Variants in RALGAPA2 observed in about 807,000 individuals in gnomAD.
The protein encoded by RALGAPA2 is ral GTPase-activating protein subunit alpha-2.
A neutral mutation model predicts 230.4 loss-of-function variants in RALGAPA2; 139 were observed. The ratio of observed to expected loss-of-function variants is 0.60; its 90% CI spans 0.53 to 0.69. The LOEUF is 0.69. Ranked by LOEUF, RALGAPA2 falls within the 30% of genes least tolerant of loss-of-function variation. The pLI is 0.00. For missense variants in RALGAPA2, 2,163 were observed against 2,276.0 expected, an observed-to-expected ratio of 0.95 and a Z score of 1.01; for synonymous variants, 847 against 837.8, an observed-to-expected ratio of 1.01 and a Z score of -0.19.
intron 37 of RALGAPA2, among the ~76,000 whole-genome samples, chr20:20,468,511 T>TTATA: frequency 6.6e-6 from 1 of 152,326 alleles, no homozygotes; most frequent in South Asian, 2.1e-4. Context: ...CTAGGTCCTC[T>TTATA]TATACCCAAT....
intron 37 of RALGAPA2, among the ~76,000 whole-genome samples, chr20:20,456,625 C>T (rs1234834850): frequency 3.9e-5 from 6 of 152,296 alleles, no homozygotes; most frequent in South Asian, 4.1e-4. Context: ...CTGACTGCTG[C>T]GAGAAGACCC....
intron 3 of RALGAPA2, among the ~76,000 whole-genome samples, chr20:20,673,545 G>A: frequency 6.6e-6 from 1 of 151,432 alleles, no homozygotes; most frequent in Non-Finnish European, 1.5e-5. Flanking sequence ...CAAATTCTTA[G>A]AAAAATATAT....
chr20:20,402,198 G>C (rs1326264248), intron 38 of RALGAPA2, among the ~76,000 whole-genome samples: 1 of 152,232 alleles, frequency 6.6e-6, no homozygotes, highest in African/African-American at 2.4e-5. Context: ...TTCCTCAACT[G>C]TCAGAGAAAT....
intron 1 of RALGAPA2, among the ~76,000 whole-genome samples, chr20:20,697,002 C>T (rs1225733381): frequency 6.6e-6 from 1 of 152,114 alleles, no homozygotes; most frequent in Admixed American, 6.5e-5. Context: ...TCACAAAGTA[C>T]TAGGATTACA....
chr20:20,651,515 G>C (rs2067396619), intron 4 of RALGAPA2, among the ~76,000 whole-genome samples: 2 of 152,024 alleles, frequency 1.3e-5, no homozygotes, highest in South Asian at 4.1e-4. Flanking sequence ...CTCAATTGAG[G>C]AGTCTGAGGC....
chr20:20,675,458 T>C (rs1475403083), intron 3 of RALGAPA2, among the ~76,000 whole-genome samples: 1 of 152,152 alleles, frequency 6.6e-6, no homozygotes, highest in Non-Finnish European at 1.5e-5. Context: ...GGCCTTTCCT[T>C]TACAGCTATA....
chr20:20,546,801 G>A lies in RALGAPA2; in HGVS notation c.3188C>T (p.Pro1063Leu), dbSNP rs1354734160. The change falls in exon 24 of 40, where the codon CCA (proline) becomes CTA (leucine). Residue 1063 changes from proline (P) to leucine (L), a missense_variant. Coordinates refer to ENST00000202677, the MANE Select transcript of RALGAPA2 (RefSeq NM_020343.4). ...DILNTIIRHCPPRFFSLGFPG... is the reference protein window; with the variant it reads ...DILNTIIRHCLPRFFSLGFPG... The stretch of plus-strand genomic sequence containing the variant: ...AAAACCCAGGGAGAAAAAGCGGGGT[G>A]GACAGTGCCTTATGATCGTATTTAA... 1 of 1,607,884 alleles carries A rather than the reference G, an allele frequency of 6.2e-7. No individual in the cohort carries two copies. The highest frequency in any genetic ancestry group is 8.5e-7 in the Non-Finnish European group (1 of 1,178,176).
chr20:20,436,691 G>T (rs1334480235), intron 37 of RALGAPA2, among the ~76,000 whole-genome samples: 1 of 152,252 alleles, frequency 6.6e-6, no homozygotes, highest in African/African-American at 2.4e-5. Flanking sequence ...GCTGCCATAA[G>T]GTTGGAGGCC....
chr20:20,545,422 T>C (rs2063754250), intron 24 of RALGAPA2, among the ~76,000 whole-genome samples: 2 of 152,164 alleles, frequency 1.3e-5, no homozygotes, highest in South Asian at 4.1e-4. Context: ...CACTTCTCTT[T>C]GTTTTCTAAT....
chr20:20,639,848 C>A lies in RALGAPA2; in HGVS notation c.603G>T (p.Glu201Asp), dbSNP rs201650335. The change falls in exon 7 of 40, where the codon GAG becomes GAT. Residue 201 changes from glutamate to aspartate, a missense_variant. Glu to Asp is a conservative substitution (Grantham distance 45, BLOSUM62 2). Transcript: ENST00000202677. ...ITPLLPAISG[E>D]KIAEDQTCFF... ...AGCAGGTTTGGTCCTCAGCAATCTTCTCCCCTGATATGGCTGGTAGGAGTG... is the reference window on the plus strand; with the variant it reads ...AGCAGGTTTGGTCCTCAGCAATCTTATCCCCTGATATGGCTGGTAGGAGTG... 2.5e-6 allele frequency: 4 copies of A among 1,613,698 alleles called. No homozygotes were observed. Among genetic ancestry groups the A allele is most frequent in the Non-Finnish European group, 3.4e-6 (4 of 1,179,710 alleles).
At chr20:20,449,696 T>C (rs940101844) in intron 37 of RALGAPA2, among the ~76,000 whole-genome samples, 2 of 152,212 alleles carry the variant, frequency 1.3e-5, no homozygotes, top group Non-Finnish European at 2.9e-5. Context: ...TGAACTTGCA[T>C]GTCTGCTCCA....
intron 2 of RALGAPA2, among the ~76,000 whole-genome samples, chr20:20,676,905 T>C (rs1304517194): frequency 2.0e-5 from 3 of 152,178 alleles, no homozygotes; most frequent in Non-Finnish European, 4.4e-5. Context: ...CACTCAAATC[T>C]GCTGTTACAG....
At chr20:20,568,525 T>A (rs1001449725) in intron 23 of RALGAPA2, among the ~76,000 whole-genome samples, 7 of 152,238 alleles carry the variant, frequency 4.6e-5, no homozygotes, top group Non-Finnish European at 1.0e-4. Flanking sequence ...TTTCCAGGAT[T>A]GCCAGAGAAC....
intron 20 of RALGAPA2, among the ~76,000 whole-genome samples, chr20:20,580,486 C>T (rs910713846): frequency 6.6e-6 from 1 of 152,150 alleles, no homozygotes; most frequent in Non-Finnish European, 1.5e-5. Flanking sequence ...CCGTATGCTC[C>T]AGAGCCCACT....
At chr20:20,507,637 T>G (rs1333920663) in intron 33 of RALGAPA2, among the ~76,000 whole-genome samples, 2 of 152,176 alleles carry the variant, frequency 1.3e-5, no homozygotes, top group Non-Finnish European at 2.9e-5. Flanking sequence ...CTTTATAGGG[T>G]TGAGCACCAT....
intron 3 of RALGAPA2, among the ~76,000 whole-genome samples, chr20:20,675,606 T>C (rs952645301): frequency 2.6e-5 from 4 of 152,170 alleles, no homozygotes; most frequent in Admixed American, 6.5e-5. Context: ...TGGCCACTTA[T>C]CTAATACATT....
chr20:20,529,853 C>T (rs762685691), intron 27 of RALGAPA2, among the ~76,000 whole-genome samples: 22 of 152,292 alleles, frequency 1.4e-4, no homozygotes, highest in Middle Eastern at 3.4e-3. Flanking sequence ...TGTCTATCTC[C>T]TTCAATCTAA....
At chr20:20,566,540 TAA>T (rs1459478732) in intron 23 of RALGAPA2, among the ~76,000 whole-genome samples, 2 of 152,110 alleles carry the variant, frequency 1.3e-5, no homozygotes, top group Non-Finnish European at 2.9e-5. Context: ...ATATCAGAAA[TAA>T]ATGATGGTGT....
rs2062696436 is a variant in RALGAPA2 at position 20,511,259 on chromosome 20, G to A, written c.4923C>T (p.Arg1641=). Residue 1641 remains arginine (R), a synonymous_variant, in exon 33 of 40, where the codon CGC becomes CGT. Transcript: ENST00000202677. The part of the protein sequence containing the change: ...LLRELKNLDS[R]QCRETHKIAV... ...TTTGATATACTTTCACATACCACTG[G>A]CGGGAGTCCAAATTTTTCAGCTCTC... 1 of 1,576,056 alleles carries A rather than the reference G, an allele frequency of 6.3e-7. No individual in the cohort carries two copies. Among genetic ancestry groups the A allele is most frequent in the East Asian group, 2.3e-5 (1 of 43,900 alleles).
Sources: allele counts gnomAD v4.1 joint callset (sites outside exome capture counted in the v4.1 genomes callset), GRCh38; gene constraint gnomAD v4.1.1; transcripts MANE v1.5; gene names NCBI Gene and HGNC (gene_info 2026-07-23, HGNC 2026-07-21).